FSIP1: variants seen among roughly 807,000 people sequenced by gnomAD.
The protein encoded by FSIP1 is fibrous sheath-interacting protein 1.
In FSIP1, 65 loss-of-function variants were observed where a neutral mutation model predicts 60.9. The ratio of observed to expected loss-of-function variants is 1.07; its 90% CI spans 0.87 to 1.31. FSIP1 has a LOEUF of 1.31. Ranked by LOEUF, FSIP1 falls within the 40% of genes most tolerant of loss-of-function variation. The probability of loss-of-function intolerance (pLI) is 0.00; values close to 1 mark genes in which losing one functional copy is unlikely to be tolerated. For synonymous variants in FSIP1, 209 were observed against 221.2 expected, an observed-to-expected ratio of 0.94 and a Z score of 0.49; for missense variants, 675 against 665.5, an observed-to-expected ratio of 1.01 and a Z score of -0.16.
rs60701446 is a variant in FSIP1 at position 39,743,865 on chromosome 15, A to G, written c.560-1965T>C. On this transcript the variant is annotated intron_variant, in intron 5 of 11. Coordinates refer to ENST00000350221, the MANE Select transcript of FSIP1 (RefSeq NM_152597.5). ...AACCTAACCGAGCAGAAACAAACCA[A>G]CCCAAACTAGAGGACATGCTACAAA... 5.4e-3 allele frequency among the ~76,000 whole-genome samples: 819 copies of G among 152,246 alleles called. 5 individuals are homozygous for G. The highest frequency in any genetic ancestry group is 0.018 in the African/African-American group (764 of 41,534).
At chr15:39,752,107 T>C (rs1022899641) in intron 5 of FSIP1, among the ~76,000 whole-genome samples, 2 of 152,068 alleles carry the variant, frequency 1.3e-5, no homozygotes, top group African/African-American at 4.8e-5. Flanking sequence ...TATATTTAGT[T>C]TAATGAGGTT....
intron 10 of FSIP1, among the ~76,000 whole-genome samples, chr15:39,708,166 C>T (rs1464067472): frequency 6.6e-6 from 1 of 152,190 alleles, no homozygotes; most frequent in Non-Finnish European, 1.5e-5. Flanking sequence ...AGCCACTACA[C>T]CTAATACCAT....
chr15:39,720,550 T>C (rs1166954777), intron 9 of FSIP1, among the ~76,000 whole-genome samples: 1 of 152,192 alleles, frequency 6.6e-6, no homozygotes, highest in Non-Finnish European at 1.5e-5. Flanking sequence ...AAAGCTGACT[T>C]CATGAGAGAT....
chr15:39,759,037 G>T (rs72727084), intron 5 of FSIP1, among the ~76,000 whole-genome samples: 13,609 of 151,844 alleles, frequency 0.09, 718 homozygotes, highest in African/African-American at 0.12. Flanking sequence ...TCTCAAGTGG[G>T]TTAATATTTA....
At chr15:39,675,162 G>A (rs1458560686) in intron 10 of FSIP1, among the ~76,000 whole-genome samples, 1 of 152,132 alleles carries the variant, frequency 6.6e-6, no homozygotes. Context: ...AAATTTTTAA[G>A]TCGGATAGTA....
intron 10 of FSIP1, among the ~76,000 whole-genome samples, chr15:39,619,728 T>C (rs1891372930): frequency 6.6e-6 from 1 of 152,182 alleles, no homozygotes; most frequent in Non-Finnish European, 1.5e-5. Flanking sequence ...AAACACACTT[T>C]CAAACTTTGC....
chr15:39,610,202 T>C (rs922926237), intron 11 of FSIP1, among the ~76,000 whole-genome samples: 2 of 152,182 alleles, frequency 1.3e-5, no homozygotes. Flanking sequence ...CTAACTTTCT[T>C]ATAATAAAAT....
intron 10 of FSIP1, among the ~76,000 whole-genome samples, chr15:39,621,795 T>C (rs1336658793): frequency 6.6e-6 from 1 of 152,082 alleles, no homozygotes; most frequent in East Asian, 1.9e-4. Context: ...GCAAATGAAA[T>C]ACATTAAGCC....
At chr15:39,650,560 C>T (rs190131918) in intron 10 of FSIP1, among the ~76,000 whole-genome samples, 1 of 152,276 alleles carries the variant, frequency 6.6e-6, no homozygotes, top group Admixed American at 6.5e-5. Flanking sequence ...GTAAGCAGTA[C>T]AATCAATGGA....
intron 10 of FSIP1, among the ~76,000 whole-genome samples, chr15:39,693,429 T>C (rs1386138804): frequency 6.6e-6 from 1 of 152,244 alleles, no homozygotes; most frequent in African/African-American, 2.4e-5. Flanking sequence ...AAGATTTGTC[T>C]GCCCACCTTA....
intron 3 of FSIP1, among the ~76,000 whole-genome samples, chr15:39,769,428 T>C (rs970012978): frequency 1.3e-5 from 2 of 152,222 alleles, no homozygotes; most frequent in African/African-American, 2.4e-5. Context: ...CGAAGTAACA[T>C]GTTTATTTTC....
intron 8 of FSIP1, among the ~76,000 whole-genome samples, chr15:39,730,008 C>T (rs1896342261): frequency 6.6e-6 from 1 of 151,816 alleles, no homozygotes; most frequent in South Asian, 2.1e-4. Flanking sequence ...ATCTACAGAA[C>T]AAACCTGCAT....
chr15:39,753,553 AG>A (rs1473534510), intron 5 of FSIP1, among the ~76,000 whole-genome samples: 1 of 152,138 alleles, frequency 6.6e-6, no homozygotes, highest in Non-Finnish European at 1.5e-5. Context: ...GGGTTGGCCC[AG>A]GAATAAAAGA....
At chr15:39,701,836 G>A (rs1403127238) in intron 10 of FSIP1, among the ~76,000 whole-genome samples, 2 of 152,118 alleles carry the variant, frequency 1.3e-5, no homozygotes, top group Non-Finnish European at 2.9e-5. Context: ...GGGGATGGGA[G>A]GAGTCCTCTA....
intron 9 of FSIP1, among the ~76,000 whole-genome samples, chr15:39,726,183 G>A (rs940181665): frequency 1.3e-5 from 2 of 152,126 alleles, no homozygotes; most frequent in Non-Finnish European, 2.9e-5. Flanking sequence ...GAGCTTCACT[G>A]CTTGATGTTA....
chr15:39,605,082 C>G (rs1240922000), intron 11 of FSIP1, among the ~76,000 whole-genome samples: 1 of 152,170 alleles, frequency 6.6e-6, no homozygotes, highest in Non-Finnish European at 1.5e-5. Context: ...AAGTTACAAT[C>G]AATGGGCAAA....
chr15:39,609,526 C>T (rs1890949047), intron 11 of FSIP1, among the ~76,000 whole-genome samples: 2 of 152,172 alleles, frequency 1.3e-5, no homozygotes, highest in Admixed American at 1.3e-4. Context: ...CTGGCCCCAC[C>T]CAACCCCAGC....
intron 5 of FSIP1, among the ~76,000 whole-genome samples, chr15:39,753,723 C>T (rs371020195): frequency 6.6e-6 from 1 of 151,010 alleles, no homozygotes; most frequent in Admixed American, 6.6e-5. Flanking sequence ...AAAAAGGACA[C>T]AAAAATTAAC....
chr15:39,707,464 C>T (rs1362940499), intron 10 of FSIP1, among the ~76,000 whole-genome samples: 1 of 152,074 alleles, frequency 6.6e-6, no homozygotes, highest in Non-Finnish European at 1.5e-5. Context: ...TTTCTTGGCC[C>T]ACCCTTCCTT....
Sources: allele counts gnomAD v4.1 joint callset (sites outside exome capture counted in the v4.1 genomes callset), GRCh38; gene constraint gnomAD v4.1.1; transcripts MANE v1.5; gene names NCBI Gene and HGNC (gene_info 2026-07-23, HGNC 2026-07-21).